Variants in KAZN observed in about 807,000 individuals in gnomAD.
KAZN encodes the protein kazrin, periplakin interacting protein, also known as kazrin.
A neutral mutation model predicts 87.4 loss-of-function variants in KAZN; 40 were observed. That is an observed-to-expected ratio of 0.46 (90% CI 0.36 to 0.60). The LOEUF is 0.60. KAZN is among the 20% of genes least tolerant of loss of function. The pLI is 0.00. For synonymous variants in KAZN, 466 were observed against 458.3 expected (o/e 1.02, Z -0.22); for missense variants, 898 against 1,073.9 (o/e 0.84, Z 2.29).
At chr1:15,098,953 G>A (rs1355074008) in intron 10 of KAZN, among the ~76,000 whole-genome samples, 1 of 152,252 alleles carries the variant, frequency 6.6e-6, no homozygotes, top group Non-Finnish European at 1.5e-5. Context: ...TGAGGCAGCT[G>A]GCCAGATGCG....
At chr1:14,055,877 C>T in intron 1 of KAZN, among the ~76,000 whole-genome samples, 1 of 152,190 alleles carries the variant, frequency 6.6e-6, no homozygotes, top group East Asian at 1.9e-4. Context: ...TTAAATGTCT[C>T]AATGTCTGGG....
chr1:14,111,561 G>T (rs1644499097), intron 1 of KAZN, among the ~76,000 whole-genome samples: 1 of 133,534 alleles, frequency 7.5e-6, no homozygotes, highest in African/African-American at 2.9e-5. Context: ...TCATACGAAA[G>T]GGCTGTCTCT....
intron 2 of KAZN, among the ~76,000 whole-genome samples, chr1:14,308,419 A>G (rs1378601274): frequency 1.3e-5 from 2 of 152,264 alleles, no homozygotes; most frequent in African/African-American, 4.8e-5. Context: ...ATGCATATCT[A>G]TGTAAAATAT....
chr1:14,284,475 C>T (rs1653089844), intron 2 of KAZN, among the ~76,000 whole-genome samples: 1 of 151,868 alleles, frequency 6.6e-6, no homozygotes, highest in South Asian at 2.1e-4. Context: ...ACTCGTGGGG[C>T]TGAAACCTAG....
intron 1 of KAZN, among the ~76,000 whole-genome samples, chr1:14,715,992 A>C (rs927721656): frequency 6.6e-6 from 1 of 152,222 alleles, no homozygotes; most frequent in Non-Finnish European, 1.5e-5. Flanking sequence ...TGTGGTCAGC[A>C]AATAAAAGGA....
At chr1:14,957,257 G>A (rs1663228183) in intron 1 of KAZN, among the ~76,000 whole-genome samples, 1 of 152,176 alleles carries the variant, frequency 6.6e-6, no homozygotes, top group African/African-American at 2.4e-5. Flanking sequence ...TGAGATTTGG[G>A]GATCCTTTGA....
At chr1:14,420,466 G>T (rs11580939) in intron 2 of KAZN, among the ~76,000 whole-genome samples, 1 of 152,028 alleles carries the variant, frequency 6.6e-6, no homozygotes, top group Non-Finnish European at 1.5e-5. Context: ...GGAGCTGCCC[G>T]CAAGTCCCGC....
intron 1 of KAZN, among the ~76,000 whole-genome samples, chr1:14,728,856 A>G (rs1196592768): frequency 6.6e-6 from 1 of 152,200 alleles, no homozygotes; most frequent in African/African-American, 2.4e-5. Flanking sequence ...TGCCTCATAA[A>G]GTTCTTGGCA....
At chr1:14,473,193 T>C (rs971263539) in intron 2 of KAZN, among the ~76,000 whole-genome samples, 3 of 152,214 alleles carry the variant, frequency 2.0e-5, no homozygotes, top group Admixed American at 6.5e-5. Flanking sequence ...TACAGGATAC[T>C]CAGTTAAATT....
chr1:14,321,303 T>C (rs1298756601), intron 2 of KAZN, among the ~76,000 whole-genome samples: 2 of 152,160 alleles, frequency 1.3e-5, no homozygotes, highest in African/African-American at 2.4e-5. Flanking sequence ...ACCAGAACAT[T>C]TCGTATCGCG....
Position 14,448,477 on chromosome 1 carries a change from T to C in KAZN, c.250-150506T>C, listed in dbSNP as rs189248807. Among the ~76,000 whole-genome samples, 17 of 152,358 alleles carry C rather than the reference T, an allele frequency of 1.1e-4. No homozygotes were observed. In the East Asian group the frequency reaches 3.3e-3, roughly 29 times the overall value. ...CCAAGATGAATCTGCAGAGTATACA[T>C]GGTCATCTGACTGTATTGCTGGACT... On this transcript the variant is annotated intron_variant, in intron 2 of 16. Coordinates refer to the KAZN transcript ENST00000636203.
chr1:14,484,334 G>A (rs1012683721), intron 2 of KAZN, among the ~76,000 whole-genome samples: 2 of 152,070 alleles, frequency 1.3e-5, no homozygotes, highest in African/African-American at 4.8e-5. Context: ...TGCTAAGAAA[G>A]CAGATTTTAA....
intron 2 of KAZN, among the ~76,000 whole-genome samples, chr1:14,453,233 G>A (rs1667379840): frequency 6.6e-6 from 1 of 152,006 alleles, no homozygotes; most frequent in East Asian, 2.0e-4. Context: ...GGGATTACAG[G>A]CGTGAGCCAC....
At chr1:14,645,419 C>T (rs1370493297) in intron 1 of KAZN, among the ~76,000 whole-genome samples, 1 of 152,304 alleles carries the variant, frequency 6.6e-6, no homozygotes, top group East Asian at 1.9e-4. Context: ...GATATTAACT[C>T]TTCCTATCCA....
At chr1:15,027,527 C>T (rs1168154416) in intron 2 of KAZN, among the ~76,000 whole-genome samples, 1 of 152,180 alleles carries the variant, frequency 6.6e-6, no homozygotes, top group African/African-American at 2.4e-5. Flanking sequence ...CTCCGAGAGC[C>T]TCACATTCTG....
intron 1 of KAZN, among the ~76,000 whole-genome samples, chr1:14,779,720 T>C (rs1234639473): frequency 6.6e-6 from 1 of 152,212 alleles, no homozygotes; most frequent in Non-Finnish European, 1.5e-5. Context: ...GTTATTTTTT[T>C]CCTGGGATTA....
At chr1:15,045,622 A>G (rs994225522) in intron 4 of KAZN, among the ~76,000 whole-genome samples, 1 of 152,208 alleles carries the variant, frequency 6.6e-6, no homozygotes, top group African/African-American at 2.4e-5. Context: ...CTACACTGCT[A>G]TAAAGAAATA....
chr1:14,385,830 C>T (rs376871782), intron 2 of KAZN, among the ~76,000 whole-genome samples: 4,264 of 147,244 alleles, frequency 0.029, 106 homozygotes, highest in South Asian at 0.091. Context: ...CTATTAGGTC[C>T]GCTTGGTGCA....
intron 1 of KAZN, among the ~76,000 whole-genome samples, chr1:14,774,790 G>A (rs568276742): frequency 1.4e-5 from 2 of 147,958 alleles, no homozygotes; most frequent in East Asian, 3.9e-4. Flanking sequence ...CAGCCCTTGA[G>A]CAGATTTTTT....
Sources: gnomAD v4.1 joint callset for allele counts (sites outside exome capture counted in the v4.1 genomes callset) on GRCh38, gnomAD v4.1.1 for gene constraint, MANE v1.5 for transcripts, NCBI Gene and HGNC (gene_info 2026-07-23, HGNC 2026-07-21) for gene names.